The following WDFY2 variants were observed in gnomAD, a reference collection of about 807,000 sequenced individuals.
WDFY2 encodes WD repeat and FYVE domain containing 2.
Under a neutral mutation model 56.4 loss-of-function variants are expected in WDFY2, and 36 were observed. The observed-to-expected ratio is 0.64, with a 90% confidence interval of 0.49 to 0.84. The LOEUF is 0.84. Ranked by LOEUF, WDFY2 falls within the 40% of genes least tolerant of loss-of-function variation. The pLI is 0.00. For missense variants in WDFY2, 444 were observed against 512.2 expected (o/e 0.87, Z 1.29); for synonymous variants, 176 against 183.7 (o/e 0.96, Z 0.34).
chr13:51,628,265 C>T (rs966435548), intron 1 of WDFY2, among the ~76,000 whole-genome samples: 9 of 152,212 alleles, frequency 5.9e-5, no homozygotes, highest in South Asian at 2.1e-4. Flanking sequence ...CAGAGGGGGC[C>T]GAGGTGGTGT....
At chr13:51,730,275 GGTGACCA>G (rs1419295332) in intron 6 of WDFY2, among the ~76,000 whole-genome samples, 1 of 152,172 alleles carries the variant, frequency 6.6e-6, no homozygotes, top group Non-Finnish European at 1.5e-5. Flanking sequence ...CTGTCCCCGA[GGTGACCA>G]GTGGCCTGCT....
chr13:51,710,807 A>G (rs868652436), intron 4 of WDFY2, among the ~76,000 whole-genome samples: 6 of 152,158 alleles, frequency 3.9e-5, no homozygotes, highest in Non-Finnish European at 8.8e-5. Context: ...ACAAATGGAA[A>G]AACATTCCAT....
At chr13:51,725,660 A>ATG (rs1021306517) in intron 5 of WDFY2, among the ~76,000 whole-genome samples, 66 of 150,634 alleles carry the variant, frequency 4.4e-4, no homozygotes, top group African/African-American at 9.0e-4. Flanking sequence ...GTATATACAT[A>ATG]TGTGTGTGTG....
Position 51,762,767 on chromosome 13 carries a change from T to C in WDFY2, c.*2998T>C, listed in dbSNP as rs966978264. On this transcript the variant is annotated 3_prime_UTR_variant, in exon 12 of 12. Transcript: ENST00000298125. ...ATTTTTGCTCTATTACTTAAACATA[T>C]AGCAGCTTTTACAAATAATGCCTAA... 2.0e-5 allele frequency: 3 copies of C among 152,196 alleles called. No homozygotes were observed. Among genetic ancestry groups the C allele is most frequent in the African/African-American group, 7.2e-5 (3 of 41,452 alleles). 9.4% of individuals were successfully genotyped at this position (152,196 alleles called of 1,614,324 possible).
intron 2 of WDFY2, among the ~76,000 whole-genome samples, chr13:51,671,427 A>G (rs1474014320): frequency 6.6e-6 from 1 of 152,158 alleles, no homozygotes; most frequent in Non-Finnish European, 1.5e-5. Context: ...GTAAGGTGAT[A>G]CCGCATTGCA....
chr13:51,693,523 TTTGA>T (rs1951792864), intron 3 of WDFY2, among the ~76,000 whole-genome samples: 1 of 152,134 alleles, frequency 6.6e-6, no homozygotes, highest in Admixed American at 6.5e-5. Flanking sequence ...TGAGTTCTAG[TTTGA>T]TTGCACTGTG....
At chr13:51,659,011 C>T (rs1955563529) in intron 1 of WDFY2, among the ~76,000 whole-genome samples, 1 of 152,172 alleles carries the variant, frequency 6.6e-6, no homozygotes, top group Admixed American at 6.5e-5. Flanking sequence ...AATGCAACCT[C>T]TCCCTCCCAG....
At chr13:51,599,705 T>C (rs759139112) in intron 1 of WDFY2, among the ~76,000 whole-genome samples, 1 of 152,202 alleles carries the variant, frequency 6.6e-6, no homozygotes, top group Non-Finnish European at 1.5e-5. Context: ...GAGCTTACTT[T>C]TGTTAAAACT....
Position 51,760,057 on chromosome 13 carries a change from G to C in WDFY2, c.*288G>C, listed in dbSNP as rs1953533076. ...TTGAGTGTACCGAAAAATCTGTGTG[G>C]GGTGTTTAATTTTTATACTTTTCAA... On this transcript the variant is annotated 3_prime_UTR_variant, in exon 12 of 12. Transcript: ENST00000298125. 3.1e-6 allele frequency: 1 copy of C among 318,916 alleles called. No homozygotes were observed. The highest frequency in any genetic ancestry group is 5.7e-6 in the Non-Finnish European group (1 of 175,226). 19.8% of individuals were successfully genotyped at this position (318,916 alleles called of 1,614,324 possible). A position where few individuals can be genotyped will look rare whatever the true frequency, so the allele number is the denominator to read the frequency against.
At chr13:51,718,444 G>A (rs1404080466) in intron 4 of WDFY2, among the ~76,000 whole-genome samples, 7 of 152,118 alleles carry the variant, frequency 4.6e-5, no homozygotes. Context: ...ATAGGGAGAT[G>A]GGTTAACTGA....
At chr13:51,652,633 G>A (rs1056438609) in intron 1 of WDFY2, among the ~76,000 whole-genome samples, 38 of 152,274 alleles carry the variant, frequency 2.5e-4, no homozygotes, top group Admixed American at 7.8e-4. Flanking sequence ...TTGCTTGTCT[G>A]TAAAGGATTT....
intron 2 of WDFY2, among the ~76,000 whole-genome samples, chr13:51,661,913 G>C (rs1955621357): frequency 6.6e-6 from 1 of 152,080 alleles, no homozygotes; most frequent in Non-Finnish European, 1.5e-5. Context: ...TGAGGGTTTA[G>C]ATAAATGGAA....
chr13:51,752,411 A>T (rs560710689), intron 8 of WDFY2, among the ~76,000 whole-genome samples: 1 of 152,328 alleles, frequency 6.6e-6, no homozygotes, highest in South Asian at 2.1e-4. Flanking sequence ...CGTTGTGATG[A>T]GTGCTGGTCA....
chr13:51,744,038 T>C (rs1050322330), intron 7 of WDFY2, among the ~76,000 whole-genome samples: 1 of 152,210 alleles, frequency 6.6e-6, no homozygotes, highest in Non-Finnish European at 1.5e-5. Flanking sequence ...AGCCTGGCAG[T>C]GGGCCAAGGA....
intron 5 of WDFY2, among the ~76,000 whole-genome samples, chr13:51,724,784 G>A (rs755248848): frequency 3.3e-5 from 5 of 152,166 alleles, no homozygotes; most frequent in Admixed American, 6.5e-5. Context: ...ATTTGGACAA[G>A]TATATAAAGA....
chr13:51,682,320 C>CT (rs1566116887), intron 3 of WDFY2, among the ~76,000 whole-genome samples: 1 of 152,162 alleles, frequency 6.6e-6, no homozygotes, highest in Non-Finnish European at 1.5e-5. Flanking sequence ...TCTAAATAAT[C>CT]TATCTCCCCT....
In WDFY2 at chr13:51,621,371, G is replaced by A. The variant is rs151173979; in HGVS notation, c.137+36547G>A. Among the ~76,000 whole-genome samples the A allele has an allele frequency of 3.9e-5, 6 of 152,260 alleles. No individual in the cohort carries two copies. In the East Asian group the frequency reaches 1.2e-3, roughly 29 times the overall value. On this transcript the variant is annotated intron_variant, in intron 1 of 11. Transcript: ENST00000298125. Reference sequence around the variant, plus strand: ...AATACAAAAATTAGCTGGGCGTAGTGGTGGGCACCTGTAATTCCAGCTACT... The same window carrying A: ...AATACAAAAATTAGCTGGGCGTAGTAGTGGGCACCTGTAATTCCAGCTACT...
At chr13:51,732,447 T>G (rs1952745280) in intron 6 of WDFY2, among the ~76,000 whole-genome samples, 1 of 152,180 alleles carries the variant, frequency 6.6e-6, no homozygotes, top group African/African-American at 2.4e-5. Flanking sequence ...CACTGGAAAT[T>G]AATAGTGTTA....
At chr13:51,708,546 G>A (rs1396894324) in intron 4 of WDFY2, among the ~76,000 whole-genome samples, 1 of 149,048 alleles carries the variant, frequency 6.7e-6, no homozygotes, top group Non-Finnish European at 1.5e-5. Context: ...AAACCAAGGA[G>A]ATAAAGTAGA....
Sources: gnomAD v4.1 joint callset for allele counts (sites outside exome capture counted in the v4.1 genomes callset) on GRCh38, gnomAD v4.1.1 for gene constraint, MANE v1.5 for transcripts, NCBI Gene and HGNC (gene_info 2026-07-23, HGNC 2026-07-21) for gene names.